The following SLC20A1 variants were observed in gnomAD, a reference collection of about 807,000 sequenced individuals.
The protein encoded by SLC20A1 is solute carrier family 20 member 1.
SLC20A1 carries 28 observed loss-of-function variants against 62.7 expected under a neutral mutation model. That is an observed-to-expected ratio of 0.45 (90% CI 0.33 to 0.61). The LOEUF (loss-of-function observed/expected upper bound fraction) is 0.61. SLC20A1 is among the 20% of genes least tolerant of loss of function. The pLI is 0.02. For missense variants in SLC20A1, 673 were observed against 838.6 expected, an observed-to-expected ratio of 0.80 and a Z score of 2.44; for synonymous variants, 305 against 302.9, an observed-to-expected ratio of 1.01 and a Z score of -0.07.
chr2:112,662,726 C>T lies in SLC20A1; in HGVS notation c.1879-138C>T, dbSNP rs188404297. The stretch of plus-strand genomic sequence containing the variant: ...AATTGCCTTCATTTTCCCAGCTTAA[C>T]CTGTTGTAAACCAGCTTTCTTGGAC... On this transcript the variant is annotated intron_variant, in intron 10 of 10. Coordinates refer to ENST00000272542, the MANE Select transcript of SLC20A1 (RefSeq NM_005415.5). The T allele has an allele frequency of 1.2e-3, 854 of 741,238 alleles. 9 individuals are homozygous for T. In the African/African-American group the frequency reaches 0.013, roughly 11 times the overall value. 45.9% of individuals were successfully genotyped at this position (741,238 alleles called of 1,614,324 possible).
Position 112,657,179 on chromosome 2 carries a change from C to T in SLC20A1, c.716C>T (p.Ala239Val), listed in dbSNP as rs1308521579. ...ACCATCCTCATCTCGGTGGGATGTG[C>T]AGTTTTCTGTGCCCTTATCGTCTGG... Reference protein sequence around the residue: ...WGTILISVGCAVFCALIVWFF... With the variant: ...WGTILISVGCVVFCALIVWFF... The change falls in exon 6 of 11, where the codon GCA becomes GTA. Residue 239 changes from alanine to valine, a missense_variant. Coordinates refer to ENST00000272542, the MANE Select transcript of SLC20A1 (RefSeq NM_005415.5). The T allele has an allele frequency of 6.2e-7, 1 of 1,612,884 alleles. No individual in the cohort carries two copies. The highest frequency in any genetic ancestry group is 1.1e-5 in the South Asian group (1 of 90,968).
intron 10 of SLC20A1, 52 bp downstream of exon 10, chr2:112,661,278 G>A: frequency 2.2e-6 from 3 of 1,391,822 alleles, no homozygotes; most frequent in Non-Finnish European, 2.0e-6. Context: ...AATATGTAGG[G>A]TTTTTAGTTT....
Position 112,652,691 on chromosome 2 carries a change from A to T in SLC20A1, c.562-11A>T. 6.2e-7 allele frequency: 1 copy of T among 1,606,204 alleles called. No individual in the cohort carries two copies. Among genetic ancestry groups the T allele is most frequent in the East Asian group, 2.2e-5 (1 of 44,848 alleles). ...ACCTTTTAAGATATTGATCTTAATG[A>T]TGTTTTACAGGCAGATCCAGTTCCT... On this transcript the variant is annotated splice_polypyrimidine_tract_variant and intron_variant, in intron 4 of 10. Coordinates refer to ENST00000272542, the MANE Select transcript of SLC20A1 (RefSeq NM_005415.5).
chr2:112,660,088 A>T (rs990418638), intron 8 of SLC20A1, among the ~76,000 whole-genome samples: 1 of 152,240 alleles, frequency 6.6e-6, no homozygotes, highest in Non-Finnish European at 1.5e-5. Flanking sequence ...AAAGTTTTTC[A>T]TATAGAATGA....
intron 5 of SLC20A1, among the ~76,000 whole-genome samples, chr2:112,654,957 G>T (rs370272584): frequency 1.7e-4 from 22 of 131,476 alleles, no homozygotes; most frequent in South Asian, 2.4e-4. Context: ...ACCTCAATTT[G>T]TTTCTAATTT....
chr2:112,656,381 A>G (rs974312521), intron 5 of SLC20A1, among the ~76,000 whole-genome samples: 2 of 151,362 alleles, frequency 1.3e-5, no homozygotes, highest in Non-Finnish European at 2.9e-5. Flanking sequence ...TTGTATTTTT[A>G]GTAGAGATGG....
In SLC20A1 at chr2:112,659,524, A is replaced by G. The variant is rs1380106255; in HGVS notation, c.1369A>G (p.Lys457Glu). The change falls in exon 8 of 11, where the codon AAG becomes GAG. Residue 457 changes from lysine (K) to glutamate (E), a missense_variant. By Grantham distance (56) the Lys-to-Glu change is moderately conservative (BLOSUM62 1). Coordinates refer to ENST00000272542, the MANE Select transcript of SLC20A1 (RefSeq NM_005415.5). The stretch of plus-strand genomic sequence containing the variant: ...GACATGGCCTAATGCAGACTCCAAG[A>G]AGCGAATTCGAATGGACAGTTACAC... ...KLTWPNADSKKRIRMDSYTSY... is the reference protein window; with the variant it reads ...KLTWPNADSKERIRMDSYTSY... 41 of 1,614,224 alleles carry G rather than the reference A, an allele frequency of 2.5e-5. No homozygotes were observed. Among genetic ancestry groups the G allele is most frequent in the Non-Finnish European group, 3.4e-5 (40 of 1,180,042 alleles).
Position 112,663,325 on chromosome 2 carries a change from T to TTTAA in SLC20A1, c.*302_*305dup. Reference sequence around the variant, plus strand: ...GTATCAGGCTTCAATTCCATTATGTTTTAATGTTGTCTCTGAAGATGACTT... The same window carrying TTTAA: ...GTATCAGGCTTCAATTCCATTATGTTTTAATTAATGTTGTCTCTGAAGATGACTT... On this transcript the variant is annotated 3_prime_UTR_variant, in exon 11 of 11. Transcript: ENST00000272542. 2 of 408,666 alleles carry TTTAA rather than the reference T, an allele frequency of 4.9e-6. No homozygotes were observed. The highest frequency in any genetic ancestry group is 9.5e-6 in the Non-Finnish European group (2 of 210,106). The allele number at this position is 408,666 out of a possible 1,614,324, so 25.3% of individuals were successfully genotyped here.
At chr2:112,652,528 C>T in intron 4 of SLC20A1, 174 bp from the exon 5 acceptor site, 1 of 589,156 alleles carries the variant, frequency 1.7e-6, no homozygotes, top group Non-Finnish European at 3.0e-6. Context: ...TTGGAATTAG[C>T]CTTCGTAGGA....
In SLC20A1 at chr2:112,657,164, T is replaced by A. The variant is rs968478367; in HGVS notation, c.701T>A (p.Ile234Asn). Reference sequence around the variant, plus strand: ...CTTCCTCTGTGGGGTACCATCCTCATCTCGGTGGGATGTGCAGTTTTCTGT... The same window carrying A: ...CTTCCTCTGTGGGGTACCATCCTCAACTCGGTGGGATGTGCAGTTTTCTGT... ...DKLPLWGTIL[I>N]SVGCAVFCAL... Residue 234 changes from isoleucine to asparagine, a missense_variant, in exon 6 of 11, where the codon ATC (isoleucine) becomes AAC (asparagine). Transcript: ENST00000272542. 1.1e-5 allele frequency: 18 copies of A among 1,613,914 alleles called. No individual in the cohort carries two copies. The African/African-American group carries it at 2.3e-4, about 20-fold the overall frequency.
intron 10 of SLC20A1, among the ~76,000 whole-genome samples, chr2:112,661,584 T>C (rs973623482): frequency 3.9e-5 from 6 of 152,152 alleles, no homozygotes; most frequent in Admixed American, 1.3e-4. Flanking sequence ...AGTCTTGCTG[T>C]GTCACCTGGG....
chr2:112,648,149 G>T (rs867845532), intron 4 of SLC20A1, among the ~76,000 whole-genome samples: 67 of 152,088 alleles, frequency 4.4e-4, no homozygotes, highest in African/African-American at 1.5e-3. Flanking sequence ...ATGGGTCTCT[G>T]CCGTGCTGAT....
intron 5 of SLC20A1, 47 bp downstream of exon 5, chr2:112,652,845 A>G (rs1686480114): frequency 6.2e-7 from 1 of 1,612,568 alleles, no homozygotes; most frequent in African/African-American, 1.3e-5. Flanking sequence ...AGTTGTTTAC[A>G]AAACTTGCAT....
intron 10 of SLC20A1, among the ~76,000 whole-genome samples, chr2:112,661,800 C>T (rs1377283507): frequency 2.6e-5 from 4 of 152,128 alleles, no homozygotes; most frequent in Non-Finnish European, 5.9e-5. Context: ...CCACCTGGCT[C>T]GGCCTCCCAA....
chr2:112,658,672 T>TA (rs1686664403), intron 6 of SLC20A1, 153 bp from the exon 7 acceptor site: 2 of 870,320 alleles, frequency 2.3e-6, no homozygotes, highest in South Asian at 2.0e-5. Context: ...TGGCAAATGA[T>TA]AAAGCAGGCA....
rs376250620 is a variant in SLC20A1 at position 112,663,064 on chromosome 2, C to T, written c.*39C>T. ...TAAAATTTGTGTCAATGTTTGGGAC[C>T]ATCTTAGGTATTCCTGCTCCCCTGA... On this transcript the variant is annotated 3_prime_UTR_variant, in exon 11 of 11. Transcript: ENST00000272542. 4.4e-6 allele frequency: 7 copies of T among 1,605,380 alleles called. No homozygotes were observed. Among genetic ancestry groups the T allele is most frequent in the Non-Finnish European group, 6.0e-6 (7 of 1,172,530 alleles).
At position 112,663,272 on chromosome 2, in the gene SLC20A1, A is replaced by G. The variant is rs1405528596; in HGVS notation, c.*247A>G. 5.4e-6 allele frequency: 3 copies of G among 557,274 alleles called. No homozygotes were observed. Among genetic ancestry groups the G allele is most frequent in the Non-Finnish European group, 6.9e-6 (2 of 288,684 alleles). 34.5% of individuals were successfully genotyped at this position (557,274 alleles called of 1,614,324 possible). On this transcript the variant is annotated 3_prime_UTR_variant, in exon 11 of 11. Coordinates refer to ENST00000272542, the MANE Select transcript of SLC20A1 (RefSeq NM_005415.5). Reference sequence around the variant, plus strand: ...AGGTCCCCTTTCCTTCTGGGCTGTGAATTCCTGTACATATTTCTCTACTTT... The same window carrying G: ...AGGTCCCCTTTCCTTCTGGGCTGTGGATTCCTGTACATATTTCTCTACTTT...
At chr2:112,660,328 G>A in intron 8 of SLC20A1, 59 bp from the exon 9 acceptor site, 2 of 1,460,784 alleles carry the variant, frequency 1.4e-6, no homozygotes, top group South Asian at 1.2e-5. Flanking sequence ...AGCAGATTGG[G>A]TCTTGCCAAG....
intron 4 of SLC20A1, among the ~76,000 whole-genome samples, chr2:112,651,728 G>A (rs183327732): frequency 6.6e-6 from 1 of 152,272 alleles, no homozygotes; most frequent in East Asian, 1.9e-4. Flanking sequence ...TTCGGTGTTT[G>A]ACTTGGGTGT....
Sources: gnomAD v4.1 joint callset for allele counts (sites outside exome capture counted in the v4.1 genomes callset) on GRCh38, gnomAD v4.1.1 for gene constraint, MANE v1.5 for transcripts, NCBI Gene and HGNC (gene_info 2026-07-23, HGNC 2026-07-21) for gene names.